Variants in M1AP observed in about 807,000 individuals in gnomAD.
M1AP encodes meiosis 1 associated protein.
M1AP carries 39 observed loss-of-function variants against 51.2 expected under a neutral mutation model. That is an observed-to-expected ratio of 0.76 (90% CI 0.59 to 1.00). The LOEUF (loss-of-function observed/expected upper bound fraction) is 1.00, where lower values mean the gene tolerates loss of function less well. M1AP is among the 50% of genes least tolerant of loss of function. M1AP has a pLI of 0.00. For missense variants in M1AP, 545 were observed against 641.2 expected, an observed-to-expected ratio of 0.85 and a Z score of 1.62; for synonymous variants, 251 against 249.2, an observed-to-expected ratio of 1.01 and a Z score of -0.07.
chr2:74,597,711 T>C (rs2104660627), intron 4 of M1AP, among the ~76,000 whole-genome samples: 1 of 152,358 alleles, frequency 6.6e-6, no homozygotes, highest in Non-Finnish European at 1.5e-5. Context: ...TGTAGACTAG[T>C]TGCCAGCATC....
intron 3 of M1AP, among the ~76,000 whole-genome samples, chr2:74,613,351 G>A (rs535416933): frequency 2.3e-4 from 35 of 152,284 alleles, no homozygotes; most frequent in Middle Eastern, 6.8e-3. Context: ...TGTACATGAT[G>A]TTCCAGGCTA....
At position 74,622,172 on chromosome 2, in the gene M1AP, A is replaced by G. The variant is rs191516053; in HGVS notation, c.241-7023T>C. Among the ~76,000 whole-genome samples, 369 of 152,228 alleles carry G rather than the reference A, an allele frequency of 2.4e-3. 2 individuals carry two copies. Among genetic ancestry groups the G allele is most frequent in the Non-Finnish European group, 4.0e-3 (275 of 68,014 alleles). The stretch of plus-strand genomic sequence containing the variant: ...AATTCAATAAATTTTTATATTGATT[A>G]CATACTGAAATGATATTTTGGATAT... On this transcript the variant is annotated intron_variant, in intron 2 of 10. Coordinates refer to ENST00000421985, the MANE Select transcript of M1AP (RefSeq NM_001321739.2).
At position 74,560,552 on chromosome 2, in the gene M1AP, T is replaced by A. The variant is rs1290217420; in HGVS notation, c.1282-261A>T. ...CTGAACACTCTGGCCCCAAGATGCATGTCCAGGGGTTCTGAGGGGGCCGGC... is the reference window on the plus strand; with the variant it reads ...CTGAACACTCTGGCCCCAAGATGCAAGTCCAGGGGTTCTGAGGGGGCCGGC... On this transcript the variant is annotated intron_variant, in intron 8 of 10. Coordinates refer to ENST00000421985, the MANE Select transcript of M1AP (RefSeq NM_001321739.2). 2.0e-5 allele frequency among the ~76,000 whole-genome samples: 3 copies of A among 152,104 alleles called. No homozygotes were observed. The East Asian group carries it at 5.8e-4, about 29-fold the overall frequency.
intron 1 of M1AP, among the ~76,000 whole-genome samples, chr2:74,641,766 G>C (rs563017294): frequency 1.3e-4 from 20 of 150,824 alleles, no homozygotes; most frequent in African/African-American, 4.4e-4. Context: ...GTGAGCCACC[G>C]CGCCCAGCCA....
At chr2:74,635,027 T>A (rs753758673) in intron 2 of M1AP, among the ~76,000 whole-genome samples, 25 of 152,180 alleles carry the variant, frequency 1.6e-4, no homozygotes, top group Non-Finnish European at 3.1e-4. Context: ...TTTCCTTCTT[T>A]TATATTTTCT....
chr2:74,562,388 T>G lies in M1AP; in HGVS notation c.1110A>C (p.Pro370=). ...TTCTCTGGCTGTGTCCTGGGCCCGG[T>G]GGTTCCCCCTTGGCTAACAGCAGCC... ...REWLLLAKGE[P]PGPGHSQRIP... The change falls in exon 8 of 11, where the codon CCA becomes CCC. Residue 370 remains proline (P), a synonymous_variant. Coordinates refer to ENST00000421985, the MANE Select transcript of M1AP (RefSeq NM_001321739.2). 1 of 1,614,250 alleles carries G rather than the reference T, an allele frequency of 6.2e-7. No individual in the cohort carries two copies. Among genetic ancestry groups the G allele is most frequent in the Non-Finnish European group, 8.5e-7 (1 of 1,180,044 alleles).
intron 1 of M1AP, among the ~76,000 whole-genome samples, chr2:74,641,654 T>C (rs1276645630): frequency 6.6e-6 from 1 of 151,802 alleles, no homozygotes; most frequent in Non-Finnish European, 1.5e-5. Flanking sequence ...TTTTTTTTTT[T>C]TTGTAGAGAT....
At chr2:74,628,512 C>G in intron 2 of M1AP, 1 of 470,152 alleles carries the variant, frequency 2.1e-6, no homozygotes, top group Non-Finnish European at 4.2e-6. Context: ...GAACAAGGCA[C>G]TAAAGGCAAA....
At chr2:74,628,349 G>A in intron 2 of M1AP, 2 of 377,876 alleles carry the variant, frequency 5.3e-6, no homozygotes, top group East Asian at 1.3e-4. Flanking sequence ...CATCTCCAGT[G>A]TTTCGTCTTA....
intron 7 of M1AP, among the ~76,000 whole-genome samples, chr2:74,571,796 C>T (rs1032403374): frequency 6.6e-6 from 1 of 151,894 alleles, no homozygotes; most frequent in Non-Finnish European, 1.5e-5. Flanking sequence ...TGGGAGTTTG[C>T]GACCAGCCTG....
At chr2:74,646,254 C>T (rs6546917) in intron 1 of M1AP, among the ~76,000 whole-genome samples, 51,735 of 151,982 alleles carry the variant, frequency 0.34, 14,523 homozygotes, top group East Asian at 0.81. Flanking sequence ...AAAACAAAAA[C>T]TGAAAGAGGA....
intron 4 of M1AP, among the ~76,000 whole-genome samples, chr2:74,592,643 GA>G (rs1680114968): frequency 2.0e-5 from 3 of 151,872 alleles, no homozygotes; most frequent in Non-Finnish European, 4.4e-5. Context: ...CCATGCCAAA[GA>G]TTTTTATTTT....
chr2:74,563,646 G>T (rs183205477), intron 7 of M1AP, among the ~76,000 whole-genome samples: 10 of 151,834 alleles, frequency 6.6e-5, no homozygotes, highest in Non-Finnish European at 1.0e-4. Context: ...AAGAGCAGAG[G>T]GAGAGGTGGG....
intron 4 of M1AP, among the ~76,000 whole-genome samples, chr2:74,599,712 A>T (rs920289234): frequency 1.3e-5 from 2 of 152,260 alleles, no homozygotes; most frequent in Admixed American, 1.3e-4. Flanking sequence ...ATGTATCTTT[A>T]CTTCTAAAAT....
chr2:74,608,348 T>C (rs938322241), intron 3 of M1AP, among the ~76,000 whole-genome samples: 1 of 152,230 alleles, frequency 6.6e-6, no homozygotes, highest in Non-Finnish European at 1.5e-5. Context: ...TGCAGCCTTT[T>C]CAAATTGGCT....
At chr2:74,601,204 C>T (rs2104676939) in intron 4 of M1AP, among the ~76,000 whole-genome samples, 1 of 151,208 alleles carries the variant, frequency 6.6e-6, no homozygotes, top group African/African-American at 2.4e-5. Context: ...ATGTAAAAAC[C>T]CAAAAGGATA....
At chr2:74,635,965 A>G (rs946579308) in intron 2 of M1AP, among the ~76,000 whole-genome samples, 3 of 152,024 alleles carry the variant, frequency 2.0e-5, no homozygotes, top group African/African-American at 4.8e-5. Flanking sequence ...GCTTGTTGTT[A>G]GGTGGAGTAT....
chr2:74,562,420 T>C lies in M1AP; in HGVS notation c.1078A>G (p.Arg360Gly), dbSNP rs1257915416. 1 of 1,614,160 alleles carries C rather than the reference T, an allele frequency of 6.2e-7. No individual in the cohort carries two copies. Among genetic ancestry groups the C allele is most frequent in the Admixed American group, 1.7e-5 (1 of 60,016 alleles). ...CCCTTGGCTAACAGCAGCCATTCCC[T>C]TTTCTGAAACAAGGACATACAGAAA... ...FHALCHSLLK[R>G]EWLLLAKGEP... The change falls in exon 8 of 11, where the codon AGG (arginine) becomes GGG (glycine). Residue 360 changes from arginine to glycine, a missense_variant. Arg to Gly is a moderately radical substitution (Grantham distance 125). Transcript: ENST00000421985.
intron 4 of M1AP, among the ~76,000 whole-genome samples, chr2:74,596,937 G>A (rs80073529): frequency 0.059 from 8,929 of 152,196 alleles, 523 homozygotes; most frequent in East Asian, 0.35. Context: ...CAGTTAAGTG[G>A]TCTTACCTGG....
Sources: allele counts gnomAD v4.1 joint callset (sites outside exome capture counted in the v4.1 genomes callset), GRCh38; gene constraint gnomAD v4.1.1; transcripts MANE v1.5; gene names NCBI Gene and HGNC (gene_info 2026-07-23, HGNC 2026-07-21).